The following LAMA2 variants were observed in gnomAD, a reference collection of about 807,000 sequenced individuals.
The protein encoded by LAMA2 is laminin subunit alpha 2, also known as laminin subunit alpha-2.
A neutral mutation model predicts 364.8 loss-of-function variants in LAMA2; 269 were observed. The observed-to-expected ratio is 0.74, with a 90% CI of 0.67 to 0.82. The LOEUF is 0.82. Among genes scored for constraint, LAMA2 ranks in the 40% least tolerant of loss-of-function variants. The probability of loss-of-function intolerance (pLI) is 0.00; values close to 1 mark genes in which losing one functional copy is unlikely to be tolerated. For synonymous variants in LAMA2, 1,379 were observed against 1,370.6 expected (o/e 1.01, Z -0.14); for missense variants, 3,807 against 3,873.2 (o/e 0.98, Z 0.45).
At chr6:129,335,146 C>T (rs908700166) in intron 29 of LAMA2, among the ~76,000 whole-genome samples, 1 of 152,136 alleles carries the variant, frequency 6.6e-6, no homozygotes, top group African/African-American at 2.4e-5. Context: ...CTTCATCATA[C>T]CTAATGATAC....
chr6:129,366,332 G>A lies in LAMA2; in HGVS notation c.4831G>A (p.Gly1611Ser), dbSNP rs368311687. 6.2e-7 allele frequency: 1 copy of A among 1,613,718 alleles called. No individual in the cohort carries two copies. Among genetic ancestry groups the A allele is most frequent in the Non-Finnish European group, 8.5e-7 (1 of 1,179,942 alleles). The change falls in exon 33 of 65, where the codon GGT becomes AGT. Residue 1611 changes from glycine (G) to serine (S), a missense_variant. Coordinates refer to ENST00000421865, the MANE Select transcript of LAMA2 (RefSeq NM_000426.4). ...GCCTGCGCCATATAAAATGCTGTAT[G>A]GTCTTGAAAATATGACTCAGGAGCT... ...PLPAPYKMLY[G>S]LENMTQELKH...
chr6:129,283,629 T>C (rs1041455979), intron 18 of LAMA2, among the ~76,000 whole-genome samples: 4 of 151,472 alleles, frequency 2.6e-5, no homozygotes, highest in African/African-American at 9.7e-5. Flanking sequence ...AATTGCTTAA[T>C]ATTTTGAAAA....
intron 32 of LAMA2, among the ~76,000 whole-genome samples, chr6:129,359,850 A>G (rs1009996791): frequency 5.3e-5 from 8 of 152,054 alleles, no homozygotes; most frequent in Admixed American, 3.3e-4. Flanking sequence ...GCCAGTAGTT[A>G]TTATGCATGG....
intron 12 of LAMA2, among the ~76,000 whole-genome samples, chr6:129,227,352 A>C (rs1374895923): frequency 6.6e-6 from 1 of 152,194 alleles, no homozygotes; most frequent in African/African-American, 2.4e-5. Context: ...TTCTCCATCC[A>C]GCTTTGTTCC....
intron 7 of LAMA2, among the ~76,000 whole-genome samples, chr6:129,150,611 A>G (rs1778733538): frequency 6.6e-6 from 1 of 152,192 alleles, no homozygotes; most frequent in Non-Finnish European, 1.5e-5. Context: ...AGACATTTCA[A>G]ACTGCTACTG....
Position 129,331,448 on chromosome 6 carries a change from GT to G in LAMA2, c.4311+3037del, listed in dbSNP as rs1775646056. 2.6e-5 allele frequency among the ~76,000 whole-genome samples: 4 copies of G among 151,900 alleles called. No individual in the cohort carries two copies. The South Asian group carries it at 8.3e-4, about 32-fold the overall frequency. On this transcript the variant is annotated intron_variant, in intron 29 of 64. Transcript: ENST00000421865. ...TTATTTCATTGAGAATTTAGAAGCT[GT>G]CAGAAGAGAGGTAACAAGCTCCCAC...
At chr6:129,425,076 A>G (rs769938953) in intron 40 of LAMA2, among the ~76,000 whole-genome samples, 1 of 152,092 alleles carries the variant, frequency 6.6e-6, no homozygotes, top group Non-Finnish European at 1.5e-5. Context: ...ATGCAAACCT[A>G]CAGTGATGGA....
In LAMA2 at chr6:129,252,283, A is replaced by T. The variant is rs762272518; in HGVS notation, c.2084A>T (p.Asp695Val). Residue 695 changes from aspartate to valine, a missense_variant, in exon 14 of 65, where the codon GAT becomes GTT. By Grantham distance (152) the Asp-to-Val change is radical. Coordinates refer to ENST00000421865, the MANE Select transcript of LAMA2 (RefSeq NM_000426.4). ...CAAATCACATACAGCTTTGGGATGG[A>T]TGCCATCTTCAGGTAAAATCAAGAA... The part of the protein sequence containing the change: ...LLQITYSFGM[D>V]AIFRLSSVNL... 43 of 1,613,000 alleles carry T rather than the reference A, an allele frequency of 2.7e-5. No individual in the cohort carries two copies. In the South Asian group the frequency reaches 3.7e-4, roughly 14 times the overall value.
intron 30 of LAMA2, among the ~76,000 whole-genome samples, chr6:129,346,059 C>T (rs977626170): frequency 4.6e-5 from 7 of 152,130 alleles, no homozygotes; most frequent in South Asian, 2.1e-4. Flanking sequence ...CTCATTTCCA[C>T]GGCATTAGTT....
chr6:129,144,005 C>A lies in LAMA2; in HGVS notation c.744C>A (p.Ile248=), dbSNP rs767145594. Reference sequence around the variant, plus strand: ...ATATTCGCCTGAGATTTCAGAGGATCCGCACACTGAATGCTGACTTGATGA... The same window carrying A: ...ATATTCGCCTGAGATTTCAGAGGATACGCACACTGAATGCTGACTTGATGA... ...ARYIRLRFQR[I]RTLNADLMMF... The change falls in exon 5 of 65, where the codon ATC becomes ATA. Residue 248 remains isoleucine (I), a synonymous_variant. Transcript: ENST00000421865. 4 of 1,612,636 alleles carry A rather than the reference C, an allele frequency of 2.5e-6. No individual in the cohort carries two copies. Among genetic ancestry groups the A allele is most frequent in the Non-Finnish European group, 2.5e-6 (3 of 1,179,030 alleles).
chr6:129,452,556 A>G (rs1483007253), intron 45 of LAMA2, among the ~76,000 whole-genome samples: 1 of 152,158 alleles, frequency 6.6e-6, no homozygotes, highest in Non-Finnish European at 1.5e-5. Flanking sequence ...TTGAAAACTA[A>G]AAGAAAAATA....
At chr6:129,206,970 A>G (rs1263385016) in intron 12 of LAMA2, among the ~76,000 whole-genome samples, 2 of 152,222 alleles carry the variant, frequency 1.3e-5, no homozygotes, top group African/African-American at 4.8e-5. Flanking sequence ...ATCAATGGTA[A>G]TAGCTTATTA....
intron 1 of LAMA2, among the ~76,000 whole-genome samples, chr6:128,911,336 G>A (rs986069019): frequency 1.1e-4 from 16 of 152,178 alleles, no homozygotes; most frequent in Admixed American, 2.0e-4. Context: ...ATATAATCTC[G>A]TGGTTCGCCG....
At chr6:129,396,764 A>T (rs1779659184) in intron 37 of LAMA2, among the ~76,000 whole-genome samples, 1 of 152,262 alleles carries the variant, frequency 6.6e-6, no homozygotes, top group African/African-American at 2.4e-5. Flanking sequence ...GTTGCTACAT[A>T]AAGAATACAC....
At chr6:129,410,374 C>A (rs1780470498) in intron 40 of LAMA2, among the ~76,000 whole-genome samples, 1 of 151,620 alleles carries the variant, frequency 6.6e-6, no homozygotes, top group Non-Finnish European at 1.5e-5. Context: ...AAATGGAGTT[C>A]TCCTCTTTCT....
At chr6:129,159,765 A>G (rs1779346189) in intron 8 of LAMA2, among the ~76,000 whole-genome samples, 1 of 152,226 alleles carries the variant, frequency 6.6e-6, no homozygotes, top group Non-Finnish European at 1.5e-5. Context: ...TATCAGATTC[A>G]GTAGGTCCCC....
chr6:129,400,672 T>A (rs1468795378), intron 37 of LAMA2, among the ~76,000 whole-genome samples: 1 of 152,244 alleles, frequency 6.6e-6, no homozygotes, highest in South Asian at 2.1e-4. Context: ...ACAAGCTATA[T>A]GTTCCAAAGA....
intron 1 of LAMA2, among the ~76,000 whole-genome samples, chr6:128,970,765 A>G (rs1782141499): frequency 6.6e-6 from 1 of 152,222 alleles, no homozygotes; most frequent in Non-Finnish European, 1.5e-5. Flanking sequence ...CACTAAGTCG[A>G]TCATTGCCCA....
At chr6:128,962,179 TATATATACACAC>T (rs1368445211) in intron 1 of LAMA2, among the ~76,000 whole-genome samples, 2 of 120,244 alleles carry the variant, frequency 1.7e-5, no homozygotes, top group East Asian at 4.5e-4. Flanking sequence ...TATATATATA[TATATATACACAC>T]ATACACACAC....
Sources: gnomAD v4.1 joint callset for allele counts (sites outside exome capture counted in the v4.1 genomes callset) on GRCh38, gnomAD v4.1.1 for gene constraint, MANE v1.5 for transcripts, NCBI Gene and HGNC (gene_info 2026-07-23, HGNC 2026-07-21) for gene names.